The following ANKS1B variants were observed in gnomAD, a reference collection of about 807,000 sequenced individuals.
ANKS1B encodes the protein ankyrin repeat and sterile alpha motif domain-containing protein 1B.
In ANKS1B, 36 loss-of-function variants were observed where a neutral mutation model predicts 148.3. That is an observed-to-expected ratio of 0.24 (90% CI 0.19 to 0.32). The LOEUF (loss-of-function observed/expected upper bound fraction) is 0.32, where lower values mean the gene tolerates loss of function less well. ANKS1B is among the 10% of genes least tolerant of loss of function. The probability of loss-of-function intolerance (pLI) is 1.00; values close to 1 mark genes in which losing one functional copy is unlikely to be tolerated. For synonymous variants in ANKS1B, 542 were observed against 560.8 expected (o/e 0.97, Z 0.47); for missense variants, 1,157 against 1,542.6 (o/e 0.75, Z 4.19).
rs190212921 is a variant in ANKS1B, at chr12:99,364,303, A to G, written c.1756+35328T>C. Among the ~76,000 whole-genome samples, 24 of 152,288 alleles carry G rather than the reference A, an allele frequency of 1.6e-4. No homozygotes were observed. The East Asian group carries it at 3.3e-3, about 21-fold the overall frequency. On this transcript the variant is annotated intron_variant, in intron 12 of 26. Transcript: ENST00000683438. ...TTTGTTTATTGTACATGTTTATTGT[A>G]CAATCAGTGCACATGAAGATTCTTT...
intron 16 of ANKS1B, among the ~76,000 whole-genome samples, chr12:99,074,428 G>C (rs2047196439): frequency 6.6e-6 from 1 of 152,096 alleles, no homozygotes; most frequent in Admixed American, 6.5e-5. Context: ...TTGGAGCAGA[G>C]CATGGGTAAG....
chr12:99,461,831 T>G (rs1212371210), intron 10 of ANKS1B, among the ~76,000 whole-genome samples: 1 of 152,210 alleles, frequency 6.6e-6, no homozygotes, highest in Non-Finnish European at 1.5e-5. Flanking sequence ...ACCCATGTAT[T>G]TCATTATGAA....
chr12:99,752,373 T>C (rs1294975245), intron 8 of ANKS1B, among the ~76,000 whole-genome samples: 1 of 151,980 alleles, frequency 6.6e-6, no homozygotes, highest in African/African-American at 2.4e-5. Context: ...TTTGGTAATA[T>C]ATCTGTTTTA....
intron 12 of ANKS1B, among the ~76,000 whole-genome samples, chr12:99,367,393 A>C (rs1437661023): frequency 6.6e-6 from 1 of 152,216 alleles, no homozygotes; most frequent in African/African-American, 2.4e-5. Context: ...CACACATCCA[A>C]ACATTTGAAA....
intron 12 of ANKS1B, among the ~76,000 whole-genome samples, chr12:99,282,189 C>A (rs2078556236): frequency 6.6e-6 from 1 of 152,076 alleles, no homozygotes; most frequent in African/African-American, 2.4e-5. Context: ...GTAGGAAGTG[C>A]AGAAATAAGC....
chr12:99,784,169 T>TAG (rs1491308269), intron 4 of ANKS1B, among the ~76,000 whole-genome samples: 1,691 of 38,496 alleles, frequency 0.044, 38 homozygotes, highest in African/African-American at 0.11. Context: ...CTGAACTTTC[T>TAG]TTTTTTTTTT....
chr12:98,752,218 A>G (rs1336609839), intron 25 of ANKS1B, among the ~76,000 whole-genome samples: 1 of 151,882 alleles, frequency 6.6e-6, no homozygotes, highest in Non-Finnish European at 1.5e-5. Flanking sequence ...CCTTGGGCAC[A>G]TGGTCTCAGG....
At chr12:99,688,141 C>A (rs778695917) in intron 8 of ANKS1B, among the ~76,000 whole-genome samples, 3 of 152,166 alleles carry the variant, frequency 2.0e-5, no homozygotes, top group Non-Finnish European at 2.9e-5. Context: ...TAAAACATTC[C>A]CCACTCTGTG....
chr12:99,364,979 A>G (rs2092689686), intron 12 of ANKS1B, among the ~76,000 whole-genome samples: 1 of 152,202 alleles, frequency 6.6e-6, no homozygotes, highest in African/African-American at 2.4e-5. Flanking sequence ...AGAACACAAT[A>G]TCACTGCATC....
intron 16 of ANKS1B, among the ~76,000 whole-genome samples, chr12:99,062,011 A>G (rs1210996915): frequency 2.0e-5 from 3 of 152,212 alleles, no homozygotes; most frequent in Non-Finnish European, 4.4e-5. Context: ...AGAAAAGAAA[A>G]TAGACTGGGA....
intron 8 of ANKS1B, among the ~76,000 whole-genome samples, chr12:99,677,350 G>T (rs7979313): frequency 4.8e-5 from 7 of 145,238 alleles, no homozygotes; most frequent in African/African-American, 1.7e-4. Context: ...TTATTTTTTT[G>T]TTTTTTTTCC....
At chr12:99,492,478 G>A (rs2096564929) in intron 10 of ANKS1B, among the ~76,000 whole-genome samples, 2 of 152,050 alleles carry the variant, frequency 1.3e-5, no homozygotes, top group Non-Finnish European at 2.9e-5. Flanking sequence ...AATATACAAA[G>A]AAGAGCTGGT....
chr12:98,997,227 T>C (rs2099930230), intron 17 of ANKS1B, among the ~76,000 whole-genome samples: 1 of 152,212 alleles, frequency 6.6e-6, no homozygotes, highest in Admixed American at 6.5e-5. Flanking sequence ...GGTAAAAGGT[T>C]ATCTCTTTCA....
chr12:99,114,229 T>C lies in ANKS1B; in HGVS notation c.2527-29206A>G, dbSNP rs771292695. Among the ~76,000 whole-genome samples the C allele has an allele frequency of 4.8e-4, 73 of 152,214 alleles. 1 individual carries two copies. Among genetic ancestry groups the C allele is most frequent in the Non-Finnish European group, 5.9e-5 (4 of 68,050 alleles). On this transcript the variant is annotated intron_variant, in intron 15 of 26. Coordinates refer to ENST00000683438, the MANE Select transcript of ANKS1B (RefSeq NM_001352186.2). ...TATTGGAAAATATTTGTGTCTATGA[T>C]GATTGTTTAACCATGGAATACTTGA...
chr12:99,036,202 G>T (rs188406563), intron 17 of ANKS1B, among the ~76,000 whole-genome samples: 1 of 152,266 alleles, frequency 6.6e-6, no homozygotes, highest in East Asian at 1.9e-4. Flanking sequence ...GACTGAAAAA[G>T]TTAGATTCCT....
intron 26 of ANKS1B, among the ~76,000 whole-genome samples, chr12:98,750,899 C>A (rs1189356249): frequency 6.6e-6 from 1 of 152,234 alleles, no homozygotes; most frequent in Non-Finnish European, 1.5e-5. Context: ...TATAGCAGGG[C>A]AGCCTGTGCA....
intron 17 of ANKS1B, among the ~76,000 whole-genome samples, chr12:98,855,165 C>CG (rs1022833742): frequency 5.8e-5 from 5 of 86,708 alleles, no homozygotes; most frequent in African/African-American, 1.7e-4. Flanking sequence ...GACTCCGTCT[C>CG]AAAAAAAAAA....
intron 17 of ANKS1B, among the ~76,000 whole-genome samples, chr12:98,920,780 G>C (rs889221986): frequency 6.6e-6 from 1 of 152,210 alleles, no homozygotes; most frequent in Non-Finnish European, 1.5e-5. Context: ...GCAGCTGGCT[G>C]ACTTGCAATG....
At chr12:99,485,877 G>A (rs144776893) in intron 10 of ANKS1B, among the ~76,000 whole-genome samples, 187 of 152,108 alleles carry the variant, frequency 1.2e-3, no homozygotes, top group African/African-American at 4.1e-3. Context: ...CCAGAAGTTC[G>A]GATTGCTTTT....
Sources: gnomAD v4.1 joint callset for allele counts (sites outside exome capture counted in the v4.1 genomes callset) on GRCh38, gnomAD v4.1.1 for gene constraint, MANE v1.5 for transcripts, NCBI Gene and HGNC (gene_info 2026-07-23, HGNC 2026-07-21) for gene names.